Variants in IL1RAPL2 observed in about 807,000 individuals in gnomAD.
IL1RAPL2 encodes X-linked interleukin-1 receptor accessory protein-like 2.
In IL1RAPL2, 3 loss-of-function variants were observed where a neutral mutation model predicts 44.1. The ratio of observed to expected loss-of-function variants is 0.07; its 90% confidence interval spans 0.03 to 0.18. The LOEUF is 0.18. Ranked by LOEUF, IL1RAPL2 falls within the 10% of genes least tolerant of loss-of-function variation. The probability of loss-of-function intolerance (pLI) is 1.00; values close to 1 mark genes in which losing one functional copy is unlikely to be tolerated. For synonymous variants in IL1RAPL2, 181 were observed against 178.8 expected, an observed-to-expected ratio of 1.01 and a Z score of -0.10; for missense variants, 391 against 496.4, an observed-to-expected ratio of 0.79 and a Z score of 2.02.
chrX:105,428,821 T>C (rs1329471279), intron 5 of IL1RAPL2, among the ~76,000 whole-genome samples: 1 of 111,179 alleles, frequency 9.0e-6, no homozygotes, highest in Non-Finnish European at 1.9e-5. Flanking sequence ...GTAAAATGAG[T>C]GCACAAAGGT....
intron 5 of IL1RAPL2, among the ~76,000 whole-genome samples, chrX:105,339,609 G>A (rs996183903): frequency 1.3e-4 from 14 of 110,976 alleles, no homozygotes; most frequent in African/African-American, 3.9e-4. Context: ...TCCTTAGGAG[G>A]CCCTTATGCT....
chrX:104,917,554 A>T (rs1219645794), intron 2 of IL1RAPL2, among the ~76,000 whole-genome samples: 1 of 111,808 alleles, frequency 8.9e-6, no homozygotes, highest in African/African-American at 3.3e-5. Context: ...AAATAAAGTC[A>T]CTAACATGCA....
chrX:105,439,163 C>T (rs1014606543), intron 5 of IL1RAPL2, among the ~76,000 whole-genome samples: 1 of 111,434 alleles, frequency 9.0e-6, no homozygotes, highest in Non-Finnish European at 1.9e-5. Flanking sequence ...TTATAAATTA[C>T]CCATTGCCAT....
chrX:105,157,079 G>C (rs1241268603), intron 2 of IL1RAPL2, among the ~76,000 whole-genome samples: 1 of 99,716 alleles, frequency 1.0e-5, no homozygotes, highest in Non-Finnish European at 2.0e-5. Flanking sequence ...CACCTTCTAT[G>C]CTAGCATTAA....
intron 2 of IL1RAPL2, among the ~76,000 whole-genome samples, chrX:104,762,876 A>AT (rs1932488327): frequency 9.0e-6 from 1 of 110,787 alleles, no homozygotes; most frequent in African/African-American, 3.3e-5. Context: ...CCAGGAAACC[A>AT]TTTTTTCCTC....
chrX:104,849,387 A>C (rs1922164525), intron 2 of IL1RAPL2, among the ~76,000 whole-genome samples: 1 of 65,706 alleles, frequency 1.5e-5, no homozygotes, highest in African/African-American at 5.4e-5. Context: ...ACGGAAACTA[A>C]GATATTAGAC....
chrX:105,035,439 G>A (rs1433265892), intron 2 of IL1RAPL2, among the ~76,000 whole-genome samples: 1 of 112,132 alleles, frequency 8.9e-6, no homozygotes, highest in Non-Finnish European at 1.9e-5. Flanking sequence ...TGTGTTCTGT[G>A]ACACATCTAA....
At chrX:104,908,177 T>A (rs1378919010) in intron 2 of IL1RAPL2, among the ~76,000 whole-genome samples, 4 of 111,711 alleles carry the variant, frequency 3.6e-5, no homozygotes, top group African/African-American at 1.3e-4. Flanking sequence ...TCCATCCTTT[T>A]ATTTTGAGCC....
chrX:104,675,374 A>T (rs775665652), intron 2 of IL1RAPL2, among the ~76,000 whole-genome samples: 44 of 111,756 alleles, frequency 3.9e-4, no homozygotes, highest in African/African-American at 1.4e-3. Flanking sequence ...GTCATTCAGG[A>T]GCAGGTTGTT....
chrX:104,808,893 G>C (rs1415697389), intron 2 of IL1RAPL2, among the ~76,000 whole-genome samples: 4 of 111,596 alleles, frequency 3.6e-5, no homozygotes, highest in Non-Finnish European at 5.7e-5. Flanking sequence ...CTGAGGTTCA[G>C]CATCAAGAGT....
At chrX:105,569,648 C>A (rs763066702) in intron 6 of IL1RAPL2, among the ~76,000 whole-genome samples, 80 of 111,737 alleles carry the variant, frequency 7.2e-4, no homozygotes, top group Non-Finnish European at 1.4e-3. Context: ...GCCTCCAAAC[C>A]AATATCCTAC....
At position 105,034,327 on chromosome X, in the gene IL1RAPL2, G is replaced by C. The variant is rs1052453217; in HGVS notation, c.83-161148G>C. Among the ~76,000 whole-genome samples, 4 of 111,856 alleles carry C rather than the reference G, an allele frequency of 3.6e-5. No individual in the cohort carries two copies. The East Asian group carries it at 1.1e-3, about 32-fold the overall frequency. ...GCTTTCTAGAGTTTCCAGATTTTCT[G>C]CTCTGTTTTTTCCCCATCTTTGTGG... On this transcript the variant is annotated intron_variant, in intron 2 of 10. Transcript: ENST00000372582.
At chrX:104,604,025 T>C (rs1928945013) in intron 1 of IL1RAPL2, among the ~76,000 whole-genome samples, 1 of 111,175 alleles carries the variant, frequency 9.0e-6, no homozygotes, top group African/African-American at 3.3e-5. Flanking sequence ...AAGGTTGAAA[T>C]GAGGGAAAGA....
intron 1 of IL1RAPL2, among the ~76,000 whole-genome samples, chrX:104,611,043 G>A (rs1027608875): frequency 9.0e-6 from 1 of 111,422 alleles, no homozygotes; most frequent in African/African-American, 3.3e-5. Context: ...TTGTCCTAGA[G>A]GGGCACCTTC....
At chrX:105,289,502 T>G (rs1038127225) in intron 5 of IL1RAPL2, among the ~76,000 whole-genome samples, 13 of 111,515 alleles carry the variant, frequency 1.2e-4, no homozygotes, top group Admixed American at 9.6e-4. Flanking sequence ...GGTTTAGCAG[T>G]GAAAGGAATT....
At chrX:104,904,179 C>A (rs898054166) in intron 2 of IL1RAPL2, among the ~76,000 whole-genome samples, 1 of 109,681 alleles carries the variant, frequency 9.1e-6, no homozygotes, top group Non-Finnish European at 1.9e-5. Context: ...GTAAGTTGTT[C>A]CTCTCTTGAT....
chrX:105,582,361 A>G (rs1426228028), intron 6 of IL1RAPL2, among the ~76,000 whole-genome samples: 2 of 111,399 alleles, frequency 1.8e-5, no homozygotes, highest in African/African-American at 6.5e-5. Context: ...TAAAAAACCT[A>G]CTTGAAATTT....
chrX:105,067,526 T>C (rs778113679), intron 2 of IL1RAPL2, among the ~76,000 whole-genome samples: 1 of 111,762 alleles, frequency 8.9e-6, no homozygotes, highest in East Asian at 2.8e-4. Context: ...CTATAATAGC[T>C]ACTCATTTAA....
chrX:105,009,745 A>G (rs1417915800), intron 2 of IL1RAPL2, among the ~76,000 whole-genome samples: 1 of 109,611 alleles, frequency 9.1e-6, no homozygotes, highest in Non-Finnish European at 1.9e-5. Context: ...AACTTAAAGT[A>G]TAATAATAAT....
Sources: allele counts gnomAD v4.1 joint callset (sites outside exome capture counted in the v4.1 genomes callset), GRCh38; gene constraint gnomAD v4.1.1; transcripts MANE v1.5; gene names NCBI Gene and HGNC (gene_info 2026-07-23, HGNC 2026-07-21).